NEK7: variants seen among roughly 807,000 people sequenced by gnomAD.
NEK7 encodes the protein serine/threonine-protein kinase Nek7.
A neutral mutation model predicts 44.6 loss-of-function variants in NEK7; 18 were observed. The observed-to-expected ratio is 0.40, with a 90% CI of 0.28 to 0.60. The LOEUF (loss-of-function observed/expected upper bound fraction) is 0.60, where lower values mean the gene tolerates loss of function less well. Among genes scored for constraint, NEK7 ranks in the 20% least tolerant of loss-of-function variants. The pLI is 0.38. For synonymous variants in NEK7, 130 were observed against 121.1 expected (o/e 1.07, Z -0.48); for missense variants, 256 against 366.5 (o/e 0.70, Z 2.46).
At chr1:198,231,484 A>T (rs1174095486) in intron 1 of NEK7, among the ~76,000 whole-genome samples, 1 of 151,334 alleles carries the variant, frequency 6.6e-6, no homozygotes, top group Non-Finnish European at 1.5e-5. Context: ...ATCATAAAAA[A>T]ACTTAATTCC....
rs930848065 is a variant in NEK7 at position 198,200,299 on chromosome 1, G to A, written c.-28-32254G>A. Reference sequence around the variant, plus strand: ...GTTCATATATGGGCCTATTTCTGTTGTCCTCCTCCTTATTTTGGTTTCTGT... The same window carrying A: ...GTTCATATATGGGCCTATTTCTGTTATCCTCCTCCTTATTTTGGTTTCTGT... On this transcript the variant is annotated intron_variant, in intron 1 of 9. Transcript: ENST00000367385. Among the ~76,000 whole-genome samples, 33 of 151,910 alleles carry A rather than the reference G, an allele frequency of 2.2e-4. 1 individual carries two copies. Among genetic ancestry groups the A allele is most frequent in the African/African-American group, 7.7e-4 (32 of 41,370 alleles).
chr1:198,183,254 G>C (rs1191369744), intron 1 of NEK7, among the ~76,000 whole-genome samples: 1 of 148,936 alleles, frequency 6.7e-6, no homozygotes, highest in Admixed American at 6.8e-5. Flanking sequence ...GATGTCTCTG[G>C]AAGATGTTTC....
chr1:198,209,912 G>C (rs1325372984), intron 1 of NEK7, among the ~76,000 whole-genome samples: 1 of 151,772 alleles, frequency 6.6e-6, no homozygotes, highest in Non-Finnish European at 1.5e-5. Context: ...TGCCTCCTGG[G>C]TTCAAGCAAT....
At chr1:198,312,271 G>A (rs1404593907) in intron 9 of NEK7, among the ~76,000 whole-genome samples, 21 of 151,106 alleles carry the variant, frequency 1.4e-4, no homozygotes, top group Non-Finnish European at 2.5e-4. Context: ...ATTTCTGTGG[G>A]ATCGGTGGTG....
intron 1 of NEK7, among the ~76,000 whole-genome samples, chr1:198,215,806 T>TAA (rs74334929): frequency 1.3e-5 from 2 of 150,270 alleles, no homozygotes; most frequent in African/African-American, 4.9e-5. Context: ...AGTAAAAAAA[T>TAA]AAAAAAAAAC....
At chr1:198,242,476 T>A (rs1225837064) in intron 2 of NEK7, among the ~76,000 whole-genome samples, 3 of 139,714 alleles carry the variant, frequency 2.1e-5, no homozygotes, top group Admixed American at 2.1e-4. Context: ...CAGCTCACTT[T>A]TTTTTTTTTT....
intron 7 of NEK7, among the ~76,000 whole-genome samples, chr1:198,289,623 A>G (rs1654483820): frequency 6.6e-6 from 1 of 152,200 alleles, no homozygotes; most frequent in African/African-American, 2.4e-5. Context: ...ATCCAAAGCT[A>G]ACTGCATGTG....
chr1:198,319,236 T>C (rs780886406), intron 9 of NEK7, among the ~76,000 whole-genome samples, 176 bp from the exon 10 acceptor site: 1 of 152,210 alleles, frequency 6.6e-6, no homozygotes, highest in Non-Finnish European at 1.5e-5. Context: ...ATAGAACATT[T>C]AACTTATTGT....
chr1:198,282,922 A>G (rs1241734394), intron 7 of NEK7, among the ~76,000 whole-genome samples: 1 of 152,144 alleles, frequency 6.6e-6, no homozygotes, highest in Non-Finnish European at 1.5e-5. Flanking sequence ...CAAACAAAAA[A>G]CTAGGATGAA....
intron 1 of NEK7, among the ~76,000 whole-genome samples, chr1:198,164,767 G>A (rs6677084): frequency 0.026 from 3,886 of 152,138 alleles, 162 homozygotes; most frequent in African/African-American, 0.088. Context: ...TGGCTGTGTC[G>A]TTTTCTTAAA....
intron 1 of NEK7, among the ~76,000 whole-genome samples, chr1:198,202,817 C>T (rs1665473077): frequency 6.6e-6 from 1 of 152,102 alleles, no homozygotes; most frequent in South Asian, 2.1e-4. Flanking sequence ...CCTCGCACAC[C>T]ACATGGGAAT....
chr1:198,249,009 T>G (rs982466787), intron 2 of NEK7, among the ~76,000 whole-genome samples: 1 of 150,884 alleles, frequency 6.6e-6, no homozygotes, highest in African/African-American at 2.4e-5. Context: ...CATTTAGCAT[T>G]AGGTATATCT....
At chr1:198,214,479 T>C (rs146095068) in intron 1 of NEK7, among the ~76,000 whole-genome samples, 1 of 152,154 alleles carries the variant, frequency 6.6e-6, no homozygotes, top group South Asian at 2.1e-4. Flanking sequence ...GATATTTTAA[T>C]GAAAAATCAA....
chr1:198,207,956 C>G (rs564783902), intron 1 of NEK7, among the ~76,000 whole-genome samples: 1 of 152,074 alleles, frequency 6.6e-6, no homozygotes, highest in Admixed American at 6.5e-5. Flanking sequence ...CCTTAGAACA[C>G]TTCAACTTCA....
intron 1 of NEK7, among the ~76,000 whole-genome samples, 155 bp from the exon 2 acceptor site, chr1:198,232,398 G>A (rs1419006800): frequency 1.3e-5 from 2 of 152,136 alleles, no homozygotes; most frequent in African/African-American, 4.8e-5. Context: ...ACTAGAGCTT[G>A]GATTTAGCAA....
chr1:198,200,556 T>C (rs1287317322), intron 1 of NEK7, among the ~76,000 whole-genome samples: 4 of 151,380 alleles, frequency 2.6e-5, no homozygotes, highest in East Asian at 3.9e-4. Flanking sequence ...TTCTTTCTTT[T>C]TTTTTTTTTT....
At chr1:198,226,859 G>T (rs943017941) in intron 1 of NEK7, among the ~76,000 whole-genome samples, 2 of 65,448 alleles carry the variant, frequency 3.1e-5, no homozygotes, top group South Asian at 1.5e-3. Flanking sequence ...TGCTTTGTCT[G>T]ATTGTAGATC....
intron 3 of NEK7, among the ~76,000 whole-genome samples, chr1:198,259,462 C>A (rs1369262172): frequency 1.3e-5 from 2 of 152,164 alleles, no homozygotes; most frequent in Admixed American, 1.3e-4. Context: ...CCAGGAATTA[C>A]ATCAAGATCT....
chr1:198,280,330 G>T (rs1654155610), intron 7 of NEK7, among the ~76,000 whole-genome samples: 1 of 152,058 alleles, frequency 6.6e-6, no homozygotes, highest in African/African-American at 2.4e-5. Flanking sequence ...ATAGAAGAAT[G>T]TCATAAAAGC....
Sources: allele counts gnomAD v4.1 joint callset (sites outside exome capture counted in the v4.1 genomes callset), GRCh38; gene constraint gnomAD v4.1.1; transcripts MANE v1.5; gene names NCBI Gene and HGNC (gene_info 2026-07-23, HGNC 2026-07-21).